The following CCDC136 variants were observed in gnomAD, a reference collection of about 807,000 sequenced individuals.
CCDC136 encodes the protein coiled-coil domain-containing protein 136.
CCDC136 carries 100 observed loss-of-function variants against 141.2 expected under a neutral mutation model. That is an observed-to-expected ratio of 0.71 (90% CI 0.60 to 0.84). The LOEUF (loss-of-function observed/expected upper bound fraction) is 0.84. Ranked by LOEUF, CCDC136 falls within the 40% of genes least tolerant of loss-of-function variation. The probability of loss-of-function intolerance (pLI) is 0.00; values close to 1 mark genes in which losing one functional copy is unlikely to be tolerated. For missense variants in CCDC136, 1,206 were observed against 1,379.4 expected, an observed-to-expected ratio of 0.87 and a Z score of 1.99; for synonymous variants, 474 against 531.9, an observed-to-expected ratio of 0.89 and a Z score of 1.50.
rs757585667 is a variant in CCDC136, at chr7:128,812,813, A to T, written c.2647A>T (p.Lys883Ter). Residue 883 changes from lysine to a stop codon, truncating the protein, a stop_gained, in exon 14 of 18, where the codon AAG becomes TAG. Transcript: ENST00000297788. LOFTEE classifies it high-confidence loss of function. ...EHSQLQEQMEKLLAKQKDLKE... is the reference protein window; with the variant it reads ...EHSQLQEQME Reference sequence around the variant, plus strand: ...CAGCCAGCTGCAAGAGCAGATGGAAAAGTTACTGGCCAAGCAGAAAGACCT... The same window carrying T: ...CAGCCAGCTGCAAGAGCAGATGGAATAGTTACTGGCCAAGCAGAAAGACCT... 1 of 1,613,528 alleles carries T rather than the reference A, an allele frequency of 6.2e-7. No homozygotes were observed. The highest frequency in any genetic ancestry group is 8.5e-7 in the Non-Finnish European group (1 of 1,179,784).
chr7:128,799,217 G>A (rs915029831), intron 3 of CCDC136, among the ~76,000 whole-genome samples: 5 of 143,456 alleles, frequency 3.5e-5, no homozygotes, highest in African/African-American at 1.3e-4. Flanking sequence ...GGTAGCCCAT[G>A]CCTGTAGTCT....
At position 128,805,657 on chromosome 7, in the gene CCDC136, T is replaced by C. The variant is rs1804717196; in HGVS notation, c.949-104T>C. ...GTACTCTGGGGTCTCACTTGCCTGA[T>C]GTAAATCTTCCAGTCAAAGAGCGCC... On this transcript the variant is annotated intron_variant, in intron 6 of 17. Coordinates refer to ENST00000297788, the MANE Select transcript of CCDC136 (RefSeq NM_022742.5). This position sits in a 1 kb window ranked among gnomAD's most constrained non-coding sequence, Gnocchi z 4.6. 1.3e-6 allele frequency: 2 copies of C among 1,550,888 alleles called. No individual in the cohort carries two copies. Among genetic ancestry groups the C allele is most frequent in the South Asian group, 2.4e-5 (2 of 82,888 alleles).
Position 128,805,408 on chromosome 7 carries a change from A to T in CCDC136, c.832A>T (p.Thr278Ser). The part of the protein sequence containing the change: ...RWLQSQTLSM[T>S]SAESQTSEMD... Reference sequence around the variant, plus strand: ...GCTGCAGTCCCAAACACTGAGTATGACGTCAGCAGAGTCTCAGACTTCAGA... The same window carrying T: ...GCTGCAGTCCCAAACACTGAGTATGTCGTCAGCAGAGTCTCAGACTTCAGA... Residue 278 changes from threonine to serine, a missense_variant, in exon 6 of 18, where the codon ACG (threonine) becomes TCG (serine). Physicochemically the swap from Thr to Ser is moderately conservative, Grantham distance 58. Transcript: ENST00000297788. This position sits in a 1 kb window ranked among gnomAD's most constrained non-coding sequence, Gnocchi z 4.6. 6.2e-7 allele frequency: 1 copy of T among 1,613,992 alleles called. No individual in the cohort carries two copies. The highest frequency in any genetic ancestry group is 2.2e-5 in the East Asian group (1 of 44,890).
Position 128,811,842 on chromosome 7 carries a change from A to T in CCDC136, c.2071A>T (p.Met691Leu). The change falls in exon 13 of 18, where the codon ATG becomes TTG. Residue 691 changes from methionine (M) to leucine (L), a missense_variant. Physicochemically the swap from Met to Leu is conservative, Grantham distance 15. Transcript: ENST00000297788. The part of the protein sequence containing the change: ...LMEQMQALQV[M>L]YDAGQAKQEL... ...GGAGCAGATGCAGGCCCTGCAGGTG[A>T]TGTATGACGCCGGTCAGGCGAAGCA... 2 of 1,606,352 alleles carry T rather than the reference A, an allele frequency of 1.2e-6. No individual in the cohort carries two copies. Among genetic ancestry groups the T allele is most frequent in the Non-Finnish European group, 1.7e-6 (2 of 1,176,936 alleles).
Position 128,817,917 on chromosome 7 carries a change from C to A in CCDC136, c.*5+53C>A, listed in dbSNP as rs879066342. 7.3e-7 allele frequency: 1 copy of A among 1,360,608 alleles called. No individual in the cohort carries two copies. The allele number at this position is 1,360,608 out of a possible 1,614,324, so 84.3% of individuals were successfully genotyped here. On this transcript the variant is annotated intron_variant, in intron 17 of 17. Coordinates refer to ENST00000297788, the MANE Select transcript of CCDC136 (RefSeq NM_022742.5). The surrounding 1 kb of genome is among the most constrained non-coding windows in gnomAD (Gnocchi z 4.6). ...AGGGATAGAGGGAGGGTGCAGGTTG[C>A]CCTGGCCTCTCCTCTTTCCCTTTTC...
chr7:128,792,224 C>G lies in CCDC136; in HGVS notation c.-188C>G. The stretch of plus-strand genomic sequence containing the variant: ...CCACTGGGATTACAGATCCCAGAGC[C>G]TCGAGGAGCTGGAAGACATGTCCCC... On this transcript the variant is annotated 5_prime_UTR_variant, in exon 1 of 18. Transcript: ENST00000297788. 6.6e-6 allele frequency: 10 copies of G among 1,505,736 alleles called. No homozygotes were observed. The highest frequency in any genetic ancestry group is 2.4e-4 in the Middle Eastern group (1 of 4,162). 93.3% of individuals were successfully genotyped at this position (1,505,736 alleles called of 1,614,324 possible).
intron 10 of CCDC136, chr7:128,808,885 G>A (rs1805274193): frequency 1.0e-6 from 1 of 985,274 alleles, no homozygotes; most frequent in Non-Finnish European, 1.2e-6. Context: ...AGATCTGTCT[G>A]ATATTAGAAG....
chr7:128,797,148 G>T (rs1220182702), intron 3 of CCDC136, among the ~76,000 whole-genome samples: 2 of 152,190 alleles, frequency 1.3e-5, no homozygotes, highest in African/African-American at 4.8e-5. Flanking sequence ...ATGGAAGGTG[G>T]TGATGTTTAT....
intron 12 of CCDC136, 81 bp downstream of exon 12, chr7:128,810,447 G>C: frequency 9.7e-7 from 1 of 1,028,096 alleles, no homozygotes; most frequent in East Asian, 2.5e-5. Context: ...CGAAGGGTCA[G>C]AGTTGGGAAG....
At position 128,805,879 on chromosome 7, in the gene CCDC136, A is replaced by C. The variant is rs1391597740; in HGVS notation, c.1067A>C (p.Gln356Pro). The stretch of plus-strand genomic sequence containing the variant: ...GCTCAGAATGAGGTGCTTCGGTTTC[A>C]GACCTCCCACAGTGTCACCCAGGTA... ...KCAQNEVLRF[Q>P]TSHSVTQNEE... Residue 356 changes from glutamine (Q) to proline (P), a missense_variant, in exon 7 of 18, where the codon CAG (glutamine) becomes CCG (proline). By Grantham distance (76) the Gln-to-Pro change is moderately conservative (BLOSUM62 -1). Transcript: ENST00000297788. The surrounding 1 kb of genome is among the most constrained non-coding windows in gnomAD (Gnocchi z 4.6). 6.2e-7 allele frequency: 1 copy of C among 1,613,802 alleles called. No homozygotes were observed. The highest frequency in any genetic ancestry group is 1.7e-5 in the Admixed American group (1 of 59,986).
Position 128,812,808 on chromosome 7 carries a change from T to A in CCDC136, c.2642T>A (p.Met881Lys), listed in dbSNP as rs764729788. The change falls in exon 14 of 18, where the codon ATG becomes AAG. Residue 881 changes from methionine to lysine, a missense_variant. Physicochemically the swap from Met to Lys is moderately conservative, Grantham distance 95 (BLOSUM62 -1). Coordinates refer to ENST00000297788, the MANE Select transcript of CCDC136 (RefSeq NM_022742.5). ...QEEHSQLQEQ[M>K]EKLLAKQKDL... ...GAACACAGCCAGCTGCAAGAGCAGA[T>A]GGAAAAGTTACTGGCCAAGCAGAAA... The A allele has an allele frequency of 6.2e-7, 1 of 1,613,000 alleles. No individual in the cohort carries two copies. The highest frequency in any genetic ancestry group is 8.5e-7 in the Non-Finnish European group (1 of 1,179,684).
intron 1 of CCDC136, among the ~76,000 whole-genome samples, chr7:128,792,820 G>A (rs935057872): frequency 5.3e-5 from 8 of 152,206 alleles, no homozygotes; most frequent in Non-Finnish European, 1.0e-4. Context: ...TCTTTCTGGG[G>A]CCACCAACAT....
At chr7:128,806,141 C>T in intron 7 of CCDC136, 96 bp from the exon 8 acceptor site, 4 of 1,190,738 alleles carry the variant, frequency 3.4e-6, no homozygotes, top group Non-Finnish European at 4.7e-6. Flanking sequence ...GGGAGCTCCT[C>T]AAGATGTCTG....
rs1273997701 is a variant in CCDC136, at chr7:128,801,170, C to T, written c.347-16C>T. 6.2e-7 allele frequency: 1 copy of T among 1,600,232 alleles called. No homozygotes were observed. Among genetic ancestry groups the T allele is most frequent in the Non-Finnish European group, 8.6e-7 (1 of 1,169,260 alleles). On this transcript the variant is annotated splice_polypyrimidine_tract_variant and intron_variant, in intron 3 of 17. Transcript: ENST00000297788. ...TCACCTGCCCTCTTGATCATCTCAA[C>T]CTTTGGACTTTGCAGGTGAGCTGCG...
intron 3 of CCDC136, among the ~76,000 whole-genome samples, chr7:128,796,739 A>ATATATTTTTT: frequency 2.6e-5 from 3 of 113,376 alleles, no homozygotes; most frequent in Non-Finnish European, 5.0e-5. Context: ...ATATATATAT[A>ATATATTTTTT]TTCTTTTTTT....
chr7:128,791,477 C>T, upstream of CCDC136: 1 of 1,319,024 alleles, frequency 7.6e-7, no homozygotes, highest in Non-Finnish European at 9.6e-7. This position sits in a 1 kb window ranked among gnomAD's most constrained non-coding sequence, Gnocchi z 7.1. Flanking sequence ...AGGCGGAAGG[C>T]GGCGGCGGGA....
intron 3 of CCDC136, among the ~76,000 whole-genome samples, chr7:128,800,824 A>T (rs1585070823): frequency 6.6e-6 from 1 of 152,266 alleles, no homozygotes; most frequent in East Asian, 1.9e-4. Context: ...GAGTCAGGGG[A>T]TTTTTAGAAA....
chr7:128,816,043 G>C, intron 16 of CCDC136, 112 bp downstream of exon 16: 1 of 1,004,856 alleles, frequency 1.0e-6, no homozygotes, highest in Non-Finnish European at 1.4e-6. Flanking sequence ...TGGAGGCCTC[G>C]CGCTCTAAGG....
chr7:128,794,076 C>T lies in CCDC136; in HGVS notation c.17-272C>T, dbSNP rs111487009. 3.8e-3 allele frequency among the ~76,000 whole-genome samples: 585 copies of T among 152,334 alleles called. 1 individual carries two copies. Among genetic ancestry groups the T allele is most frequent in the African/African-American group, 0.011 (472 of 41,568 alleles). On this transcript the variant is annotated intron_variant, in intron 1 of 17. Transcript: ENST00000297788. This position sits in a 1 kb window ranked among gnomAD's most constrained non-coding sequence, Gnocchi z 4.3. ...CCTGTGCAAGTGTCTCATGGCTGAG[C>T]GGGCACCAGCCTGCCCACAGGCAGT... is the stretch of plus-strand genomic sequence containing the variant.
Sources: allele counts gnomAD v4.1 joint callset (sites outside exome capture counted in the v4.1 genomes callset), GRCh38; gene constraint gnomAD v4.1.1; non-coding constraint Gnocchi (gnomAD v3.1); transcripts MANE v1.5; gene names NCBI Gene and HGNC (gene_info 2026-07-23, HGNC 2026-07-21).